SIK2: variants seen among roughly 807,000 people sequenced by gnomAD.
SIK2 encodes the protein serine/threonine-protein kinase SIK2.
SIK2 carries 29 observed loss-of-function variants against 103.2 expected under a neutral mutation model. The ratio of observed to expected loss-of-function variants is 0.28; its 90% confidence interval spans 0.21 to 0.38. The LOEUF (loss-of-function observed/expected upper bound fraction) is 0.38, where lower values mean the gene tolerates loss of function less well. Among genes scored for constraint, SIK2 ranks in the 10% least tolerant of loss-of-function variants. SIK2 has a pLI of 1.00. For synonymous variants in SIK2, 412 were observed against 446.1 expected, an observed-to-expected ratio of 0.92 and a Z score of 0.96; for missense variants, 879 against 1,171.0, an observed-to-expected ratio of 0.75 and a Z score of 3.64.
At chr11:111,696,028 C>T (rs1193593930) in intron 4 of SIK2, among the ~76,000 whole-genome samples, 4 of 152,114 alleles carry the variant, frequency 2.6e-5, no homozygotes, top group East Asian at 3.8e-4. Context: ...TGGTCTGCTG[C>T]GGCTGGTTAA....
chr11:111,718,648 A>G (rs1034791201), intron 9 of SIK2: 2 of 152,206 alleles, frequency 1.3e-5, no homozygotes, highest in African/African-American at 4.8e-5. Context: ...ATTGGCTGCC[A>G]TAAGAGGAAA....
intron 8 of SIK2, among the ~76,000 whole-genome samples, chr11:111,706,984 T>C (rs188539740): frequency 6.6e-6 from 1 of 150,536 alleles, no homozygotes; most frequent in Non-Finnish European, 1.5e-5. Flanking sequence ...AAAAAAAGTA[T>C]TGATACAGAT....
At chr11:111,674,834 C>T (rs535233867) in intron 3 of SIK2, among the ~76,000 whole-genome samples, 1 of 152,154 alleles carries the variant, frequency 6.6e-6, no homozygotes, top group African/African-American at 2.4e-5. Flanking sequence ...GCAACCTCCA[C>T]CTCCCAGGTT....
intron 2 of SIK2, among the ~76,000 whole-genome samples, chr11:111,616,681 T>C (rs1227635832): frequency 6.6e-6 from 1 of 151,946 alleles, no homozygotes; most frequent in Non-Finnish European, 1.5e-5. Flanking sequence ...TACCAAAAAA[T>C]ATATATATAC....
chr11:111,720,111 C>G, intron 10 of SIK2, 108 bp downstream of exon 10: 1 of 1,084,784 alleles, frequency 9.2e-7, no homozygotes, highest in East Asian at 2.6e-5. Context: ...GAGTCGATAG[C>G]TTATTCCTTT....
chr11:111,661,967 C>G (rs10891286), intron 3 of SIK2, among the ~76,000 whole-genome samples: 93,426 of 152,102 alleles, frequency 0.61, 31,708 homozygotes, highest in East Asian at 0.96. Flanking sequence ...CCATATCAGT[C>G]TGTAATAAAT....
intron 3 of SIK2, among the ~76,000 whole-genome samples, chr11:111,661,157 C>G (rs1942462522): frequency 2.6e-5 from 4 of 151,990 alleles, no homozygotes; most frequent in Admixed American, 2.6e-4. Flanking sequence ...GCAGAAGATT[C>G]AAAATACATC....
chr11:111,672,356 G>A (rs1486148586), intron 3 of SIK2: 1 of 528,920 alleles, frequency 1.9e-6, no homozygotes, highest in Non-Finnish European at 3.0e-6. Flanking sequence ...AAGGCCAAGG[G>A]GCCAGAGGTG....
intron 3 of SIK2, among the ~76,000 whole-genome samples, chr11:111,657,028 T>G (rs1226027575): frequency 1.3e-5 from 2 of 152,248 alleles, no homozygotes; most frequent in East Asian, 3.8e-4. Context: ...GTCCTTATTC[T>G]TAGTGCCATG....
intron 4 of SIK2, among the ~76,000 whole-genome samples, chr11:111,698,596 G>A (rs560743259): frequency 6.6e-6 from 1 of 152,274 alleles, no homozygotes; most frequent in Admixed American, 6.5e-5. Flanking sequence ...ACAAAAATTA[G>A]CCTGGTGTGG....
chr11:111,657,409 A>G (rs529844885), intron 3 of SIK2, among the ~76,000 whole-genome samples: 3 of 152,118 alleles, frequency 2.0e-5, no homozygotes, highest in South Asian at 2.1e-4. Context: ...TTTGTTTTTG[A>G]GACAGGGTCT....
intron 2 of SIK2, 90 bp downstream of exon 2, chr11:111,616,449 A>G: frequency 2.6e-6 from 2 of 766,108 alleles, no homozygotes; most frequent in African/African-American, 3.5e-5. Flanking sequence ...TTGTTTTTCT[A>G]ATCAATGAAA....
In SIK2 at chr11:111,612,915, GAT is replaced by G. The variant is rs67675103; in HGVS notation, c.136-3297_136-3296del. ...CCTTAGAAACAAGGGATAGCAATGG[GAT>G]ATATATATATATATATATATATATA... is the stretch of plus-strand genomic sequence containing the variant. On this transcript the variant is annotated intron_variant, in intron 1 of 14. Transcript: ENST00000304987. Among the ~76,000 whole-genome samples the G allele has an allele frequency of 3.1e-3, 154 of 49,988 alleles. 2 individuals are homozygous for G. Among genetic ancestry groups the G allele is most frequent in the African/African-American group, 8.6e-3 (136 of 15,812 alleles). 32.8% of individuals were successfully genotyped at this position (49,988 alleles called of 152,430 possible). A position where few individuals can be genotyped will look rare whatever the true frequency, so the allele number is the denominator to read the frequency against.
Position 111,725,960 on chromosome 11 carries a change from G to A in SIK2, c.*1831G>A, listed in dbSNP as rs1943951497. On this transcript the variant is annotated 3_prime_UTR_variant, in exon 15 of 15. Transcript: ENST00000304987. ...TTAATAACACACAGTGAAAATCCAGGAAGAATGAATTAAGCTTCTTCTGGG... is the reference window on the plus strand; with the variant it reads ...TTAATAACACACAGTGAAAATCCAGAAAGAATGAATTAAGCTTCTTCTGGG... The A allele has an allele frequency of 6.6e-6, 1 of 152,232 alleles. No individual in the cohort carries two copies. The highest frequency in any genetic ancestry group is 6.5e-5 in the Admixed American group (1 of 15,286). The allele number at this position is 152,232 out of a possible 1,614,324, so 9.4% of individuals were successfully genotyped here. A position where few individuals can be genotyped will look rare whatever the true frequency, so the allele number is the denominator to read the frequency against.
At chr11:111,628,016 A>G (rs1183982645) in intron 3 of SIK2, among the ~76,000 whole-genome samples, 1 of 152,090 alleles carries the variant, frequency 6.6e-6, no homozygotes, top group Non-Finnish European at 1.5e-5. Context: ...TATTATTTTT[A>G]TTATATTACA....
At chr11:111,649,174 G>A (rs1010191204) in intron 3 of SIK2, among the ~76,000 whole-genome samples, 1 of 151,942 alleles carries the variant, frequency 6.6e-6, no homozygotes, top group African/African-American at 2.4e-5. Flanking sequence ...TCTTTTTTCT[G>A]TGCATTTGTC....
chr11:111,677,065 C>T (rs933727613), intron 3 of SIK2, among the ~76,000 whole-genome samples: 4 of 152,038 alleles, frequency 2.6e-5, no homozygotes, highest in East Asian at 1.9e-4. Flanking sequence ...GGTCCTGGAG[C>T]GATGATAAAA....
rs917233810 is a variant in SIK2 at position 111,708,617 on chromosome 11, G to A, written c.1101+3478G>A. Among the ~76,000 whole-genome samples the A allele has an allele frequency of 4.6e-5, 7 of 152,032 alleles. No individual in the cohort carries two copies. The South Asian group carries it at 1.2e-3, about 27-fold the overall frequency. ...GGTTTTGTTTTTGAGATGGGGTCTC[G>A]CTGTGTCACCAAGGCCAGAGGACAG... On this transcript the variant is annotated intron_variant, in intron 8 of 14. Coordinates refer to ENST00000304987, the MANE Select transcript of SIK2 (RefSeq NM_015191.3).
intron 9 of SIK2, among the ~76,000 whole-genome samples, chr11:111,716,580 AAAAAAAG>A (rs1302360691): frequency 1.3e-5 from 2 of 150,026 alleles, no homozygotes; most frequent in African/African-American, 5.1e-5. Context: ...CTGTCTCACC[AAAAAAAG>A]AAAAAAGAAG....
Sources: gnomAD v4.1 joint callset for allele counts (sites outside exome capture counted in the v4.1 genomes callset) on GRCh38, gnomAD v4.1.1 for gene constraint, MANE v1.5 for transcripts, NCBI Gene and HGNC (gene_info 2026-07-23, HGNC 2026-07-21) for gene names.